Variants in SYNC observed in about 807,000 individuals in gnomAD.
SYNC encodes syncoilin, intermediate filament protein.
A neutral mutation model predicts 49.5 loss-of-function variants in SYNC; 38 were observed. The observed-to-expected ratio is 0.77, with a 90% CI of 0.59 to 1.01. The LOEUF is 1.01. Among genes scored for constraint, SYNC ranks in the 50% least tolerant of loss-of-function variants. The probability of loss-of-function intolerance (pLI) is 0.00; values close to 1 mark genes in which losing one functional copy is unlikely to be tolerated. For synonymous variants in SYNC, 201 were observed against 230.8 expected, an observed-to-expected ratio of 0.87 and a Z score of 1.17; for missense variants, 579 against 580.6, an observed-to-expected ratio of 1.00 and a Z score of 0.03.
At chr1:32,687,796 C>T (rs1023991012) in intron 2 of SYNC, among the ~76,000 whole-genome samples, 2 of 149,962 alleles carry the variant, frequency 1.3e-5, no homozygotes, top group African/African-American at 4.9e-5. Flanking sequence ...TGAGCTGTTC[C>T]CTCTGTCTGG....
At chr1:32,689,909 C>T (rs1043224091) in intron 2 of SYNC, among the ~76,000 whole-genome samples, 1 of 146,182 alleles carries the variant, frequency 6.8e-6, no homozygotes, top group Non-Finnish European at 1.5e-5. Flanking sequence ...CCACTGCACT[C>T]CAGCCTAGCA....
rs1357755534 is a variant in SYNC, at chr1:32,694,879, C to A, written c.1219G>T (p.Val407Leu). Residue 407 changes from valine (V) to leucine (L), a missense_variant, in exon 2 of 5, where the codon GTG becomes TTG. Coordinates refer to ENST00000409190, the MANE Select transcript of SYNC (RefSeq NM_030786.3). Reference sequence around the variant, plus strand: ...AATGGGCCTACCCTGTACTGCTGCACCTCTTCATCTCGTTTTTGCCTCACA... The same window carrying A: ...AATGGGCCTACCCTGTACTGCTGCAACTCTTCATCTCGTTTTTGCCTCACA... Reference protein sequence around the residue: ...ALVRQKRDEEVQQYREQLEEM... With the variant: ...ALVRQKRDEELQQYREQLEEM... 2 of 1,605,638 alleles carry A rather than the reference C, an allele frequency of 1.2e-6. No homozygotes were observed. The highest frequency in any genetic ancestry group is 3.4e-5 in the Admixed American group (2 of 58,196).
At position 32,684,108 on chromosome 1, in the gene SYNC, A is replaced by G; in HGVS notation, c.1359-19T>C. On this transcript the variant is annotated intron_variant, in intron 3 of 4. Transcript: ENST00000409190. ...CATAGCCCTTTAAAAAGAGAGAGCC[A>G]TTTTCCATGTGTTTTTGGATAAGCA... 6.2e-7 allele frequency: 1 copy of G among 1,611,648 alleles called. No individual in the cohort carries two copies. Among genetic ancestry groups the G allele is most frequent in the Non-Finnish European group, 8.5e-7 (1 of 1,179,010 alleles).
intron 2 of SYNC, among the ~76,000 whole-genome samples, chr1:32,694,470 C>T (rs1650307885): frequency 6.6e-6 from 1 of 151,898 alleles, no homozygotes; most frequent in Non-Finnish European, 1.5e-5. Flanking sequence ...TGGTTAACAA[C>T]AGTGAAACCC....
chr1:32,689,316 A>T (rs1290328638), intron 2 of SYNC, among the ~76,000 whole-genome samples: 1 of 131,950 alleles, frequency 7.6e-6, no homozygotes, highest in African/African-American at 2.9e-5. Context: ...ATCTCAGCTC[A>T]CTGCAACCTC....
rs573786128 is a variant in SYNC, at chr1:32,698,241, G to A, written c.54-2197C>T. 3.8e-3 allele frequency among the ~76,000 whole-genome samples: 567 copies of A among 149,426 alleles called. 1 individual carries two copies. The highest frequency in any genetic ancestry group is 0.013 in the African/African-American group (535 of 40,542). On this transcript the variant is annotated intron_variant, in intron 1 of 4. Coordinates refer to ENST00000409190, the MANE Select transcript of SYNC (RefSeq NM_030786.3). ...AAAAAAAAAAAAAAAAAAAAATGCCGGGCGTGGTGGCTCACGCCTGTAATC... is the reference window on the plus strand; with the variant it reads ...AAAAAAAAAAAAAAAAAAAAATGCCAGGCGTGGTGGCTCACGCCTGTAATC...
chr1:32,698,916 G>A (rs1362663888), intron 1 of SYNC, among the ~76,000 whole-genome samples: 2 of 151,552 alleles, frequency 1.3e-5, no homozygotes, highest in Admixed American at 1.3e-4. Flanking sequence ...GGGTAGCCAG[G>A]ACTACAGGCA....
chr1:32,693,084 TG>T (rs376713287), intron 2 of SYNC, among the ~76,000 whole-genome samples: 20,294 of 128,972 alleles, frequency 0.16, 1,697 homozygotes, highest in Middle Eastern at 0.25. Context: ...TTTGTTTGTT[TG>T]TTTTTGTTTG....
At chr1:32,693,133 AGTGCAGTG>A (rs1370146158) in intron 2 of SYNC, among the ~76,000 whole-genome samples, 1 of 148,770 alleles carries the variant, frequency 6.7e-6, no homozygotes, top group South Asian at 2.2e-4. Context: ...CCCAGGCTAG[AGTGCAGTG>A]GTGCAATCTC....
intron 2 of SYNC, among the ~76,000 whole-genome samples, chr1:32,692,237 TAATC>T (rs762491195): frequency 1.3e-5 from 2 of 151,752 alleles, no homozygotes; most frequent in Non-Finnish European, 2.9e-5. Flanking sequence ...CAAAAAATAA[TAATC>T]ATCATCATCA....
chr1:32,699,868 G>T (rs938304774), intron 1 of SYNC, among the ~76,000 whole-genome samples: 1 of 151,574 alleles, frequency 6.6e-6, no homozygotes, highest in African/African-American at 2.4e-5. Flanking sequence ...GAGTAGCTGA[G>T]ACTACAGGCG....
upstream of SYNC, chr1:32,703,361 C>T (rs1650743536): frequency 6.5e-6 from 1 of 152,690 alleles, no homozygotes; most frequent in Non-Finnish European, 1.5e-5. Context: ...CCATATTTAA[C>T]CCCACTTTCT....
At chr1:32,691,410 G>A (rs1181415711) in intron 2 of SYNC, among the ~76,000 whole-genome samples, 1 of 148,924 alleles carries the variant, frequency 6.7e-6, no homozygotes, top group Non-Finnish European at 1.5e-5. Flanking sequence ...AATTAGCCAC[G>A]TCCATGGTGT....
In SYNC at chr1:32,684,013, G is replaced by A; in HGVS notation, c.1435C>T (p.Gln479Ter). 6.2e-7 allele frequency: 1 copy of A among 1,613,892 alleles called. No homozygotes were observed. The highest frequency in any genetic ancestry group is 8.5e-7 in the Non-Finnish European group (1 of 1,179,808). ...SQAGGMETQS[Q>*]GAV ...CTCTTCTCTTCACAAAGATCACCTT[G>A]AGACTGTGTCTCCATTCCACCTGCC... The change falls in exon 4 of 5, where the codon CAA becomes TAA. Residue 479 changes from glutamine to a stop codon, truncating the protein, a stop_gained. Coordinates refer to ENST00000409190, the MANE Select transcript of SYNC (RefSeq NM_030786.3). LOFTEE classifies it high-confidence loss of function.
rs1649352489 is a variant in SYNC, at chr1:32,680,356, G to GGTTTTTTTTTTTTTTTTTTTTTTTTTTTT, written c.*1493_*1494insAAAAAAAAAAAAAAAAAAAAAAAAAAAAC. The GGTTTTTTTTTTTTTTTTTTTTTTTTTTTT allele has an allele frequency of 8.8e-7, 1 of 1,132,430 alleles. No homozygotes were observed. Among genetic ancestry groups the GGTTTTTTTTTTTTTTTTTTTTTTTTTTTT allele is most frequent in the Non-Finnish European group, 1.1e-6 (1 of 918,184 alleles). The allele number at this position is 1,132,430 out of a possible 1,614,324, so 70.1% of individuals were successfully genotyped here. A position where few individuals can be genotyped will look rare whatever the true frequency, so the allele number is the denominator to read the frequency against. On this transcript the variant is annotated 3_prime_UTR_variant, in exon 5 of 5. Transcript: ENST00000409190. ...AAATGGTGTTTTTTTTTTTGTTGTT[G>GGTTTTTTTTTTTTTTTTTTTTTTTTTTTT]GTTTTTTTTTTTTTTTTTTTAACTT...
rs1650716659 is a variant in SYNC, at chr1:32,702,695, A to T, written c.-35T>A. On this transcript the variant is annotated 5_prime_UTR_variant, in exon 1 of 5. Transcript: ENST00000409190. The surrounding 1 kb of genome is among the most constrained non-coding windows in gnomAD (Gnocchi z 6.2). The stretch of plus-strand genomic sequence containing the variant: ...ACCCCGGGCTGGCGGCCGCGTTATT[A>T]ATAGCCGGGCCCGCGGGCCCCTCGC... The T allele has an allele frequency of 3.5e-6, 4 of 1,151,506 alleles. No individual in the cohort carries two copies. The highest frequency in any genetic ancestry group is 4.3e-6 in the Non-Finnish European group (4 of 937,132). 71.3% of individuals were successfully genotyped at this position (1,151,506 alleles called of 1,614,324 possible).
At chr1:32,689,701 G>T (rs1226418332) in intron 2 of SYNC, among the ~76,000 whole-genome samples, 1 of 152,028 alleles carries the variant, frequency 6.6e-6, no homozygotes, top group Non-Finnish European at 1.5e-5. Flanking sequence ...CCAGCACTTT[G>T]GGAAGCCGAG....
At chr1:32,687,855 A>ATTATTATTATTATTATTTTT (rs71006359) in intron 2 of SYNC, among the ~76,000 whole-genome samples, 1 of 135,516 alleles carries the variant, frequency 7.4e-6, no homozygotes, top group Non-Finnish European at 1.6e-5. Flanking sequence ...TATTATTATT[A>ATTATTATTATTATTATTTTT]TTATTATTTT....
At chr1:32,701,959 C>T (rs912618153) in intron 1 of SYNC, among the ~76,000 whole-genome samples, 2 of 152,210 alleles carry the variant, frequency 1.3e-5, no homozygotes, top group South Asian at 2.1e-4. Context: ...GAAGGGGTGT[C>T]GGGAGCTATG....
Sources: allele counts gnomAD v4.1 joint callset (sites outside exome capture counted in the v4.1 genomes callset), GRCh38; gene constraint gnomAD v4.1.1; non-coding constraint Gnocchi (gnomAD v3.1); transcripts MANE v1.5; gene names NCBI Gene and HGNC (gene_info 2026-07-23, HGNC 2026-07-21).